ISOC1: variants seen among roughly 807,000 people sequenced by gnomAD.
ISOC1 encodes isochorismatase domain containing 1.
ISOC1 carries 33 observed loss-of-function variants against 30.0 expected under a neutral mutation model. That is an observed-to-expected ratio of 1.10 (90% CI 0.83 to 1.47). The LOEUF (loss-of-function observed/expected upper bound fraction) is 1.47. Ranked by LOEUF, ISOC1 falls within the 40% of genes most tolerant of loss-of-function variation. The pLI is 0.00. For synonymous variants in ISOC1, 178 were observed against 159.8 expected, an observed-to-expected ratio of 1.11 and a Z score of -0.86; for missense variants, 372 against 388.0, an observed-to-expected ratio of 0.96 and a Z score of 0.35.
chr5:129,095,272 A>T (rs1474442851), intron 1 of ISOC1, among the ~76,000 whole-genome samples, 197 bp downstream of exon 1: 1 of 152,104 alleles, frequency 6.6e-6, no homozygotes, highest in Non-Finnish European at 1.5e-5. Flanking sequence ...TCCAAAGGTG[A>T]TGGTCACCAG....
At position 129,105,013 on chromosome 5, in the gene ISOC1, CAGGAA is replaced by C; in HGVS notation, c.371_375del (p.Glu124ValfsTer13). The C allele has an allele frequency of 1.2e-6, 2 of 1,613,692 alleles. No individual in the cohort carries two copies. The highest frequency in any genetic ancestry group is 1.7e-6 in the Non-Finnish European group (2 of 1,179,732). On this transcript the variant is annotated frameshift_variant, in exon 2 of 5. Transcript: ENST00000173527. LOFTEE classifies it high-confidence loss of function. ...CACTGTGTTTTTCTGCTGTGATATGCAGGAAAGGTTCAGACCAGCCATCAAGTATT... is the reference window on the plus strand; with the variant it reads ...CACTGTGTTTTTCTGCTGTGATATGCAGGTTCAGACCAGCCATCAAGTATT...
At position 129,105,037 on chromosome 5, in the gene ISOC1, A is replaced by G; in HGVS notation, c.391A>G (p.Lys131Glu). ...DMQERFRPAI[K>E]YFGDIISVGQ... ...GCAGGAAAGGTTCAGACCAGCCATC[A>G]AGTATTTTGGGGATATTATTAGCGT... is the stretch of plus-strand genomic sequence containing the variant. Residue 131 changes from lysine to glutamate, a missense_variant, in exon 2 of 5, where the codon AAG becomes GAG. Lys to Glu is a moderately conservative substitution (Grantham distance 56). Coordinates refer to ENST00000173527, the MANE Select transcript of ISOC1 (RefSeq NM_016048.2). The G allele has an allele frequency of 6.2e-7, 1 of 1,613,902 alleles. No individual in the cohort carries two copies. Among genetic ancestry groups the G allele is most frequent in the Non-Finnish European group, 8.5e-7 (1 of 1,179,822 alleles).
intron 4 of ISOC1, among the ~76,000 whole-genome samples, chr5:129,109,994 T>A (rs1013394768): frequency 1.3e-5 from 2 of 152,212 alleles, no homozygotes; most frequent in Non-Finnish European, 2.9e-5. Context: ...ATTTGTCATC[T>A]GAAAGACATT....
intron 1 of ISOC1, among the ~76,000 whole-genome samples, chr5:129,095,298 G>C (rs1050753404): frequency 6.6e-6 from 1 of 152,244 alleles, no homozygotes; most frequent in Non-Finnish European, 1.5e-5. Context: ...CCCGGCGGGG[G>C]CGTGGGCCTC....
chr5:129,108,119 C>A (rs1237243586), intron 4 of ISOC1, among the ~76,000 whole-genome samples: 1 of 152,130 alleles, frequency 6.6e-6, no homozygotes, highest in African/African-American at 2.4e-5. Flanking sequence ...TTTGTTGAGA[C>A]CCTCCAGTGT....
chr5:129,101,161 C>CAAAAAAAAAAAAAAA (rs1156603818), intron 1 of ISOC1, among the ~76,000 whole-genome samples: 3 of 19,500 alleles, frequency 1.5e-4, no homozygotes, highest in African/African-American at 1.9e-4. Context: ...CTCAGCTAAT[C>CAAAAAAAAAAAAAAA]AAAAAAAAAA....
intron 1 of ISOC1, among the ~76,000 whole-genome samples, chr5:129,101,092 G>T: frequency 8.0e-6 from 1 of 125,040 alleles, no homozygotes; most frequent in Middle Eastern, 6.0e-3. Flanking sequence ...CTGTAGCCTC[G>T]ACCTCCCGTT....
intron 1 of ISOC1, among the ~76,000 whole-genome samples, chr5:129,099,663 A>G (rs1422133586): frequency 2.6e-5 from 4 of 152,180 alleles, no homozygotes; most frequent in African/African-American, 9.7e-5. Context: ...TAGCATTCCT[A>G]TAAATATATT....
chr5:129,107,907 A>G (rs1321952687), intron 4 of ISOC1, among the ~76,000 whole-genome samples: 3 of 152,208 alleles, frequency 2.0e-5, no homozygotes, highest in African/African-American at 7.2e-5. Flanking sequence ...CAACAGTAGG[A>G]TGTCAAGCAT....
intron 2 of ISOC1, 38 bp downstream of exon 2, chr5:129,105,113 C>T (rs747693447): frequency 6.2e-7 from 1 of 1,613,126 alleles, no homozygotes; most frequent in Admixed American, 1.7e-5. Flanking sequence ...TTTGCTGAAT[C>T]ATCATATACA....
At chr5:129,112,025 A>G (rs888983227) in intron 4 of ISOC1, among the ~76,000 whole-genome samples, 1 of 152,176 alleles carries the variant, frequency 6.6e-6, no homozygotes, top group African/African-American at 2.4e-5. Flanking sequence ...GGAACTGTTA[A>G]TTATAGGAAG....
rs1580784253 is a variant in ISOC1, at chr5:129,094,815, G to A, written c.49G>A (p.Gly17Arg). ...AVLALPNSGAGGAGAPSGTVP... is the reference protein window; with the variant it reads ...AVLALPNSGARGAGAPSGTVP... Reference sequence around the variant, plus strand: ...CCTTGCGCTCCCCAACAGCGGCGCCGGGGGCGCGGGGGCGCCGTCGGGCAC... The same window carrying A: ...CCTTGCGCTCCCCAACAGCGGCGCCAGGGGCGCGGGGGCGCCGTCGGGCAC... Residue 17 changes from glycine (G) to arginine (R), a missense_variant, in exon 1 of 5, where the codon GGG becomes AGG. Physicochemically the swap from Gly to Arg is moderately radical, Grantham distance 125. Coordinates refer to ENST00000173527, the MANE Select transcript of ISOC1 (RefSeq NM_016048.2). 6.5e-7 allele frequency: 1 copy of A among 1,537,638 alleles called. No individual in the cohort carries two copies.
intron 1 of ISOC1, among the ~76,000 whole-genome samples, chr5:129,098,513 T>C (rs905778224): frequency 1.6e-4 from 24 of 152,236 alleles, no homozygotes; most frequent in Admixed American, 1.4e-3. Context: ...TTGTAAGTTT[T>C]AGGTAAAGGA....
chr5:129,099,923 A>G (rs900918429), intron 1 of ISOC1, among the ~76,000 whole-genome samples: 6 of 152,230 alleles, frequency 3.9e-5, no homozygotes. Flanking sequence ...AGTTCATGTA[A>G]TCGAAATTAG....
chr5:129,096,870 C>A (rs944143526), intron 1 of ISOC1, among the ~76,000 whole-genome samples: 1 of 152,134 alleles, frequency 6.6e-6, no homozygotes, highest in African/African-American at 2.4e-5. Flanking sequence ...TAAGAGTCCC[C>A]GCCTTCCAAG....
Position 129,112,878 on chromosome 5 carries a change from A to C in ISOC1, c.774A>C (p.Ile258=), listed in dbSNP as rs774647009. The C allele has an allele frequency of 1.2e-6, 2 of 1,613,502 alleles. No individual in the cohort carries two copies. The highest frequency in any genetic ancestry group is 1.7e-6 in the Non-Finnish European group (2 of 1,179,708). The stretch of plus-strand genomic sequence containing the variant: ...AGCGTCTCGCTCGAACCGGGATCAT[A>C]GTGACCACGAGTGAGGCTGTTCTGC... The part of the protein sequence containing the change: ...ALERLARTGI[I]VTTSEAVLLQ... The change falls in exon 5 of 5, where the codon ATA becomes ATC. Residue 258 remains isoleucine (I), a synonymous_variant. Transcript: ENST00000173527.
Position 129,112,971 on chromosome 5 carries a change from T to G in ISOC1, c.867T>G (p.Ala289=). 6.2e-7 allele frequency: 1 copy of G among 1,613,572 alleles called. No homozygotes were observed. The highest frequency in any genetic ancestry group is 8.5e-7 in the Non-Finnish European group (1 of 1,179,674). ...TTCAGAATCTAATTAAGGCGAGTGCTCCAGAGTCGGGTCTGCTTTCCAAAG... is the reference window on the plus strand; with the variant it reads ...TTCAGAATCTAATTAAGGCGAGTGCGCCAGAGTCGGGTCTGCTTTCCAAAG... ...KEIQNLIKAS[A]PESGLLSKV is the part of the protein sequence containing the mutation. The change falls in exon 5 of 5, where the codon GCT becomes GCG. Residue 289 remains alanine, a synonymous_variant. Transcript: ENST00000173527.
intron 1 of ISOC1, among the ~76,000 whole-genome samples, chr5:129,101,978 A>G (rs1753576987): frequency 6.6e-6 from 1 of 152,188 alleles, no homozygotes; most frequent in East Asian, 1.9e-4. Flanking sequence ...GGAAGGTCAC[A>G]AGGGTCATTC....
intron 3 of ISOC1, among the ~76,000 whole-genome samples, chr5:129,106,718 C>T (rs1753641618): frequency 6.6e-6 from 1 of 152,136 alleles, no homozygotes; most frequent in African/African-American, 2.4e-5. Context: ...TTCTTAGTAT[C>T]AGAAACATTG....
Sources: gnomAD v4.1 joint callset for allele counts (sites outside exome capture counted in the v4.1 genomes callset) on GRCh38, gnomAD v4.1.1 for gene constraint, MANE v1.5 for transcripts, NCBI Gene and HGNC (gene_info 2026-07-23, HGNC 2026-07-21) for gene names.